The following KIF5A variants were observed in gnomAD, a reference collection of about 807,000 sequenced individuals.
KIF5A encodes the protein kinesin heavy chain isoform 5A.
Under a neutral mutation model 141.3 loss-of-function variants are expected in KIF5A, and 35 were observed. The ratio of observed to expected loss-of-function variants is 0.25; its 90% CI spans 0.19 to 0.33. The LOEUF (loss-of-function observed/expected upper bound fraction) is 0.33, where lower values mean the gene tolerates loss of function less well. KIF5A is among the 10% of genes least tolerant of loss of function. KIF5A has a pLI of 1.00. For missense variants in KIF5A, 861 were observed against 1,314.3 expected (o/e 0.66, Z 5.33); for synonymous variants, 448 against 500.2 (o/e 0.90, Z 1.39).
At chr12:57,569,105 A>G (rs544356794) in intron 9 of KIF5A, 38 bp downstream of exon 9, 1 of 1,572,316 alleles carries the variant, frequency 6.4e-7, no homozygotes, top group Non-Finnish European at 8.7e-7. Flanking sequence ...CTCAAGCCAC[A>G]CCCCATCTCC....
intron 1 of KIF5A, 22 bp from the exon 2 acceptor site, chr12:57,563,417 A>AT: frequency 6.4e-7 from 1 of 1,564,962 alleles, no homozygotes; most frequent in East Asian, 2.2e-5. Flanking sequence ...TTGACGTCTG[A>AT]TATCTTTTAT....
At chr12:57,573,582 C>A (rs1882323018) in intron 15 of KIF5A, among the ~76,000 whole-genome samples, 3 of 151,730 alleles carry the variant, frequency 2.0e-5, no homozygotes, top group Non-Finnish European at 2.9e-5. Context: ...GTAATCCCAG[C>A]ACTTTGGGAG....
chr12:57,557,042 A>G (rs1881769510), intron 1 of KIF5A, among the ~76,000 whole-genome samples: 1 of 152,150 alleles, frequency 6.6e-6, no homozygotes, highest in African/African-American at 2.4e-5. Context: ...CCCCTCATCA[A>G]CTTGAACCCA....
At position 57,569,151 on chromosome 12, in the gene KIF5A, C is replaced by T. The variant is rs1195078849; in HGVS notation, c.819+84C>T. On this transcript the variant is annotated intron_variant, in intron 9 of 28. Transcript: ENST00000455537. ...GCTAATGCCACCATATGATCATGCC[C>T]CAATTCATGGGTTGTCTGATCCCGG... The T allele has an allele frequency of 1.2e-5, 19 of 1,555,212 alleles. No individual in the cohort carries two copies. In the Admixed American group the frequency reaches 2.9e-4, roughly 23 times the overall value.
In KIF5A at chr12:57,585,062, A is replaced by T. The variant is rs908370898; in HGVS notation, c.*881A>T. The T allele has an allele frequency of 1.3e-5, 2 of 152,090 alleles. No homozygotes were observed. The highest frequency in any genetic ancestry group is 4.8e-5 in the African/African-American group (2 of 41,382). The allele number at this position is 152,090 out of a possible 1,614,324, so 9.4% of individuals were successfully genotyped here. On this transcript the variant is annotated 3_prime_UTR_variant, in exon 29 of 29. Coordinates refer to ENST00000455537, the MANE Select transcript of KIF5A (RefSeq NM_004984.4). ...ATGGTTACAGGCAGGTGTAGTCAAA[A>T]TGATTGATTCCTTGGGTTTGGGGGT...
chr12:57,550,059 ACCAGACGCCC>A lies in KIF5A; in HGVS notation c.-212_-203del. 1.7e-6 allele frequency: 1 copy of A among 594,850 alleles called. No homozygotes were observed. Among genetic ancestry groups the A allele is most frequent in the Non-Finnish European group, 3.0e-6 (1 of 335,868 alleles). The allele number at this position is 594,850 out of a possible 1,614,324, so 36.8% of individuals were successfully genotyped here. A position where few individuals can be genotyped will look rare whatever the true frequency, so the allele number is the denominator to read the frequency against. On this transcript the variant is annotated 5_prime_UTR_variant, in exon 1 of 29. Transcript: ENST00000455537. The surrounding 1 kb of genome is among the most constrained non-coding windows in gnomAD (Gnocchi z 4.6). ...GCGGAGAGGCAGAGAGCCCGAAAGG[ACCAGACGCCC>A]AGGTCGCCCGCATCCCGCTGCCGCA...
At chr12:57,583,733 C>T (rs995445882) in intron 28 of KIF5A, among the ~76,000 whole-genome samples, 1 of 152,174 alleles carries the variant, frequency 6.6e-6, no homozygotes, top group African/African-American at 2.4e-5. Context: ...TTAGGAAACG[C>T]CCCACGAAAT....
chr12:57,562,338 C>T (rs1028825299), intron 1 of KIF5A, among the ~76,000 whole-genome samples: 2 of 152,208 alleles, frequency 1.3e-5, no homozygotes, highest in Admixed American at 1.3e-4. Context: ...GCCTCAGCCT[C>T]CGGCGTAGCT....
chr12:57,571,539 A>C, intron 13 of KIF5A, 150 bp downstream of exon 13: 3 of 717,616 alleles, frequency 4.2e-6, no homozygotes, highest in Non-Finnish European at 7.1e-6. Flanking sequence ...TGGGAACCTC[A>C]CTGGGGCTTT....
chr12:57,555,572 C>T (rs1294598881), intron 1 of KIF5A, among the ~76,000 whole-genome samples: 1 of 137,790 alleles, frequency 7.3e-6, no homozygotes, highest in African/African-American at 2.7e-5. Context: ...GCCTGGGCAA[C>T]AGAGCAAGAC....
At chr12:57,568,811 A>G (rs1347469327) in intron 8 of KIF5A, 152 bp from the exon 9 acceptor site, 8 of 680,782 alleles carry the variant, frequency 1.2e-5, no homozygotes, top group Non-Finnish European at 2.1e-5. Flanking sequence ...GAACAGAGGA[A>G]GGGCCTTCCC....
chr12:57,580,642 G>A (rs1882566508), intron 23 of KIF5A, among the ~76,000 whole-genome samples: 1 of 152,190 alleles, frequency 6.6e-6, no homozygotes, highest in African/African-American at 2.4e-5. Context: ...GAAACCAGAT[G>A]GAGACAGGAC....
In KIF5A at chr12:57,576,870, G is replaced by A. The variant is rs566046023; in HGVS notation, c.2300+8G>A. 2 of 1,605,572 alleles carry A rather than the reference G, an allele frequency of 1.2e-6. No homozygotes were observed. The highest frequency in any genetic ancestry group is 2.2e-5 in the East Asian group (1 of 44,784). ...CAAGCTGCAGGAGCTGACGTGAGTG[G>A]CATGGATTTACCTGTAAAACTACAG... On this transcript the variant is annotated splice_region_variant and intron_variant, in intron 20 of 28. Transcript: ENST00000455537.
chr12:57,567,312 C>T, intron 7 of KIF5A, 99 bp downstream of exon 7: 4 of 1,252,912 alleles, frequency 3.2e-6, no homozygotes, highest in Non-Finnish European at 4.7e-6. Context: ...GGAAACTGTA[C>T]CCCCCAGAGG....
chr12:57,551,552 C>T (rs896830161), intron 1 of KIF5A, among the ~76,000 whole-genome samples: 8 of 151,986 alleles, frequency 5.3e-5, no homozygotes, highest in African/African-American at 1.2e-4. Flanking sequence ...GATCTGGGGT[C>T]GAGTCCTGTA....
rs1024966767 is a variant in KIF5A at position 57,584,599 on chromosome 12, A to G, written c.*418A>G. On this transcript the variant is annotated 3_prime_UTR_variant, in exon 29 of 29. Transcript: ENST00000455537. ...TAGAGGGTTGTGACCCTTCATACACACACGCACGCACGCACACAAACATGC... is the reference window on the plus strand; with the variant it reads ...TAGAGGGTTGTGACCCTTCATACACGCACGCACGCACGCACACAAACATGC... 1.3e-5 allele frequency: 2 copies of G among 152,572 alleles called. No homozygotes were observed. Among genetic ancestry groups the G allele is most frequent in the Non-Finnish European group, 2.9e-5 (2 of 68,080 alleles). The allele number at this position is 152,572 out of a possible 1,614,324, so 9.5% of individuals were successfully genotyped here.
rs564587379 is a variant in KIF5A at position 57,575,769 on chromosome 12, T to G, written c.2023+12T>G. On this transcript the variant is annotated intron_variant, in intron 17 of 28. Coordinates refer to ENST00000455537, the MANE Select transcript of KIF5A (RefSeq NM_004984.4). The stretch of plus-strand genomic sequence containing the variant: ...GCTCCAGGCCCAGGGTGAGGCCTTC[T>G]TATACCTCCATCCCACTGTCCAGGG... 1.3e-6 allele frequency: 2 copies of G among 1,551,876 alleles called. No individual in the cohort carries two copies. Among genetic ancestry groups the G allele is most frequent in the Non-Finnish European group, 1.8e-6 (2 of 1,123,226 alleles).
intron 6 of KIF5A, among the ~76,000 whole-genome samples, chr12:57,566,272 T>C (rs1882062632): frequency 6.6e-6 from 1 of 151,444 alleles, no homozygotes; most frequent in Non-Finnish European, 1.5e-5. Context: ...GCCCACTTAT[T>C]TTTGTATTTT....
rs1029568313 is a variant in KIF5A at position 57,572,006 on chromosome 12, A to G, written c.1363-55A>G. 294 of 1,508,682 alleles carry G rather than the reference A, an allele frequency of 1.9e-4. 1 individual carries two copies. The highest frequency in any genetic ancestry group is 2.5e-4 in the Non-Finnish European group (268 of 1,093,340). 93.5% of individuals were successfully genotyped at this position (1,508,682 alleles called of 1,614,324 possible). ...GGCTCAGCTTCCCAGACCCAAGGCC[A>G]TAGAAATGGTCACTGGCAGTGATCT... On this transcript the variant is annotated intron_variant, in intron 13 of 28. Coordinates refer to ENST00000455537, the MANE Select transcript of KIF5A (RefSeq NM_004984.4). This position sits in a 1 kb window ranked among gnomAD's most constrained non-coding sequence, Gnocchi z 4.2.
Sources: allele counts gnomAD v4.1 joint callset (sites outside exome capture counted in the v4.1 genomes callset), GRCh38; gene constraint gnomAD v4.1.1; non-coding constraint Gnocchi (gnomAD v3.1); transcripts MANE v1.5; gene names NCBI Gene and HGNC (gene_info 2026-07-23, HGNC 2026-07-21).